MYO9B: variants seen among roughly 807,000 people sequenced by gnomAD.
MYO9B encodes the protein unconventional myosin-IXb.
MYO9B carries 71 observed loss-of-function variants against 229.5 expected under a neutral mutation model. The ratio of observed to expected loss-of-function variants is 0.31; its 90% confidence interval spans 0.26 to 0.38. The LOEUF is 0.38. Ranked by LOEUF, MYO9B falls within the 10% of genes least tolerant of loss-of-function variation. The pLI is 1.00. For missense variants in MYO9B, 2,255 were observed against 2,920.5 expected, an observed-to-expected ratio of 0.77 and a Z score of 5.25; for synonymous variants, 1,185 against 1,235.8, an observed-to-expected ratio of 0.96 and a Z score of 0.86.
At chr19:17,076,105 G>T (rs2057480234) in intron 1 of MYO9B, among the ~76,000 whole-genome samples, 1 of 151,612 alleles carries the variant, frequency 6.6e-6, no homozygotes, top group Admixed American at 6.6e-5. Flanking sequence ...GGGCGTGGGG[G>T]GGGTGAGTCT....
chr19:17,083,116 G>C (rs980315510), intron 1 of MYO9B, among the ~76,000 whole-genome samples: 1 of 134,062 alleles, frequency 7.5e-6, no homozygotes, highest in Non-Finnish European at 1.5e-5. Context: ...CTGCAGGCTT[G>C]ACAACCTCCC....
chr19:17,082,807 G>A lies in MYO9B; in HGVS notation c.-59+6933G>A, dbSNP rs920009392. Among the ~76,000 whole-genome samples the A allele has an allele frequency of 2.6e-5, 4 of 152,118 alleles. No individual in the cohort carries two copies. In the East Asian group the frequency reaches 7.7e-4, roughly 29 times the overall value. On this transcript the variant is annotated intron_variant, in intron 1 of 39. Coordinates refer to ENST00000682292, the MANE Select transcript of MYO9B (RefSeq NM_004145.4). ...CTTTCCCCTGGGTGGTCCCTCGGGA[G>A]TCAGGCCCATGATTTAGCAGGGAAG...
intron 2 of MYO9B, chr19:17,103,507 A>G (rs1245580149): frequency 6.6e-6 from 1 of 152,292 alleles, no homozygotes; most frequent in Non-Finnish European, 1.5e-5. Context: ...AATTATTTCA[A>G]TGGGCTCTGG....
At chr19:17,159,344 A>G (rs953131039) in intron 7 of MYO9B, 51 bp from the exon 8 acceptor site, 2 of 1,497,498 alleles carry the variant, frequency 1.3e-6, no homozygotes, top group Non-Finnish European at 9.1e-7. Context: ...GACATGCCTG[A>G]TAAGTCCTCC....
At chr19:17,119,474 AGGAGGGGAGCCTG>A (rs2057939192) in intron 2 of MYO9B, among the ~76,000 whole-genome samples, 2 of 152,138 alleles carry the variant, frequency 1.3e-5, no homozygotes, top group African/African-American at 2.4e-5. Context: ...AGGGAGGCCG[AGGAGGGGAGCCTG>A]GGCGGTCCTC....
intron 2 of MYO9B, among the ~76,000 whole-genome samples, chr19:17,144,969 CA>C (rs58527501): frequency 4.0e-3 from 335 of 83,566 alleles, no homozygotes; most frequent in South Asian, 0.013. Flanking sequence ...GACTTCATCT[CA>C]AAAAAAAAAA....
intron 16 of MYO9B, 102 bp downstream of exon 16, chr19:17,183,970 C>A (rs2072889639): frequency 8.8e-7 from 1 of 1,135,086 alleles, no homozygotes; most frequent in Non-Finnish European, 1.2e-6. Context: ...CTCCTCCTTC[C>A]CACTATCTCC....
At chr19:17,142,544 AC>A (rs1332611400) in intron 2 of MYO9B, among the ~76,000 whole-genome samples, 1 of 151,754 alleles carries the variant, frequency 6.6e-6, no homozygotes, top group East Asian at 1.9e-4. Flanking sequence ...CCTTCCACAT[AC>A]CCTGCCTTGT....
At position 17,212,801 on chromosome 19, in the gene MYO9B, A is replaced by G. The variant is rs933790929; in HGVS notation, c.*491A>G. The G allele has an allele frequency of 6.5e-6, 1 of 154,012 alleles. No homozygotes were observed. 9.5% of individuals were successfully genotyped at this position (154,012 alleles called of 1,614,324 possible). A position where few individuals can be genotyped will look rare whatever the true frequency, so the allele number is the denominator to read the frequency against. Reference sequence around the variant, plus strand: ...CTGCTGTGGTTGGCTTGGGGTGGCCAATGGGCTGGGACCCTCCATGAGAGT... The same window carrying G: ...CTGCTGTGGTTGGCTTGGGGTGGCCGATGGGCTGGGACCCTCCATGAGAGT... On this transcript the variant is annotated 3_prime_UTR_variant, in exon 40 of 40. Transcript: ENST00000682292. The surrounding 1 kb of genome is among the most constrained non-coding windows in gnomAD (Gnocchi z 5.4).
At chr19:17,116,810 A>T (rs1230178956) in intron 2 of MYO9B, among the ~76,000 whole-genome samples, 2 of 152,074 alleles carry the variant, frequency 1.3e-5, no homozygotes, top group African/African-American at 4.8e-5. Context: ...CTGAGGCTGG[A>T]GGCTGCATTG....
chr19:17,077,875 G>A (rs2057500878), intron 1 of MYO9B, among the ~76,000 whole-genome samples: 2 of 152,122 alleles, frequency 1.3e-5, no homozygotes, highest in South Asian at 2.1e-4. Context: ...AGAAAATTGC[G>A]GTGTTGAAGG....
intron 2 of MYO9B, among the ~76,000 whole-genome samples, chr19:17,128,294 G>T (rs2072150685): frequency 6.6e-6 from 1 of 152,100 alleles, no homozygotes; most frequent in Admixed American, 6.6e-5. Flanking sequence ...GAGAGTCTGA[G>T]GCGGGAGGAT....
chr19:17,134,381 G>GTTT lies in MYO9B; in HGVS notation c.841-10990_841-10988dup, dbSNP rs869297825. ...CTTTGTTTTTTTTTTCGTTTTGTTTGTTTTTTTTTTTTTTTTTTTTTTTTT... is the reference window on the plus strand; with the variant it reads ...CTTTGTTTTTTTTTTCGTTTTGTTTGTTTTTTTTTTTTTTTTTTTTTTTTTTTT... On this transcript the variant is annotated intron_variant, in intron 2 of 39. Transcript: ENST00000682292. Among the ~76,000 whole-genome samples, 151 of 46,468 alleles carry GTTT rather than the reference G, an allele frequency of 3.2e-3. 1 individual carries two copies. The highest frequency in any genetic ancestry group is 4.0e-3 in the East Asian group (5 of 1,260). 30.5% of individuals were successfully genotyped at this position (46,468 alleles called of 152,430 possible). A position where few individuals can be genotyped will look rare whatever the true frequency, so the allele number is the denominator to read the frequency against.
chr19:17,103,482 G>C (rs1433795605), intron 2 of MYO9B: 1 of 152,294 alleles, frequency 6.6e-6, no homozygotes, highest in Non-Finnish European at 1.5e-5. Flanking sequence ...AGCTGGCTTA[G>C]GATTGGCTTG....
At chr19:17,124,434 CT>C (rs1294650524) in intron 2 of MYO9B, among the ~76,000 whole-genome samples, 5 of 152,000 alleles carry the variant, frequency 3.3e-5, no homozygotes, top group South Asian at 2.1e-4. Flanking sequence ...CTTCGTGGAA[CT>C]TTTTTTTAAA....
chr19:17,082,861 A>G (rs1187451041), intron 1 of MYO9B, among the ~76,000 whole-genome samples: 1 of 151,988 alleles, frequency 6.6e-6, no homozygotes. Flanking sequence ...GGTGTCCTGG[A>G]GTGCAGAAAG....
intron 8 of MYO9B, 32 bp from the exon 9 acceptor site, chr19:17,162,318 C>T: frequency 1.3e-6 from 2 of 1,520,034 alleles, no homozygotes; most frequent in Non-Finnish European, 8.9e-7. Context: ...GCCTGCCGTG[C>T]CGGAGGTGAG....
chr19:17,101,599 A>C lies in MYO9B; in HGVS notation c.-58-61A>C. The C allele has an allele frequency of 7.1e-7, 1 of 1,409,148 alleles. No homozygotes were observed. The highest frequency in any genetic ancestry group is 9.3e-7 in the Non-Finnish European group (1 of 1,073,650). The allele number at this position is 1,409,148 out of a possible 1,614,324, so 87.3% of individuals were successfully genotyped here. ...GCTATCTGCCCAGGAGTGGGACTCC[A>C]CATGCCCCTTAAACTTCCTCCCACC... is the stretch of plus-strand genomic sequence containing the variant. On this transcript the variant is annotated intron_variant, in intron 1 of 39. Transcript: ENST00000682292. This position sits in a 1 kb window ranked among gnomAD's most constrained non-coding sequence, Gnocchi z 4.7.
chr19:17,199,700 C>CTTTTTTTTTT (rs59510773), intron 24 of MYO9B, among the ~76,000 whole-genome samples: 88 of 68,672 alleles, frequency 1.3e-3, no homozygotes, highest in East Asian at 8.5e-3. Flanking sequence ...CTTTTTTTTT[C>CTTTTTTTTTT]TTTTTTTTTT....
Sources: gnomAD v4.1 joint callset for allele counts (sites outside exome capture counted in the v4.1 genomes callset) on GRCh38, gnomAD v4.1.1 for gene constraint, Gnocchi (gnomAD v3.1) non-coding constraint, MANE v1.5 for transcripts, NCBI Gene and HGNC (gene_info 2026-07-23, HGNC 2026-07-21) for gene names.